Variants in SLC4A4 observed in about 807,000 individuals in gnomAD.
SLC4A4 encodes the protein solute carrier family 4 member 4, also known as electrogenic sodium bicarbonate cotransporter 1.
In SLC4A4, 27 loss-of-function variants were observed where a neutral mutation model predicts 111.5. That is an observed-to-expected ratio of 0.24 (90% CI 0.18 to 0.33). The LOEUF is 0.33. Among genes scored for constraint, SLC4A4 ranks in the 10% least tolerant of loss-of-function variants. The probability of loss-of-function intolerance (pLI) is 1.00; values close to 1 mark genes in which losing one functional copy is unlikely to be tolerated. For missense variants in SLC4A4, 909 were observed against 1,315.5 expected (o/e 0.69, Z 4.78); for synonymous variants, 443 against 463.4 (o/e 0.96, Z 0.57).
At chr4:71,208,978 A>G (rs1384268345) in intron 1 of SLC4A4, among the ~76,000 whole-genome samples, 1 of 152,146 alleles carries the variant, frequency 6.6e-6, no homozygotes, top group East Asian at 1.9e-4. Context: ...ATTTGGTTAT[A>G]GAGACAAATT....
chr4:71,288,666 TG>T (rs1724104685), intron 3 of SLC4A4, among the ~76,000 whole-genome samples: 1 of 152,124 alleles, frequency 6.6e-6, no homozygotes, highest in African/African-American at 2.4e-5. Flanking sequence ...CCCATAGTGC[TG>T]AGATTACAGG....
intron 2 of SLC4A4, 101 bp downstream of exon 2, chr4:71,236,750 C>A: frequency 3.0e-6 from 3 of 986,992 alleles, no homozygotes; most frequent in Non-Finnish European, 4.7e-6. Context: ...TAAAATGAAA[C>A]ACCAAACCTT....
At chr4:71,521,132 A>G (rs1732893829) in intron 16 of SLC4A4, among the ~76,000 whole-genome samples, 1 of 152,194 alleles carries the variant, frequency 6.6e-6, no homozygotes, top group South Asian at 2.1e-4. Flanking sequence ...ATTATTTATG[A>G]CAGGCATGAG....
intron 11 of SLC4A4, among the ~76,000 whole-genome samples, chr4:71,453,000 A>T (rs968025380): frequency 1.3e-5 from 2 of 152,114 alleles, no homozygotes; most frequent in Non-Finnish European, 2.9e-5. Context: ...TTTTTGATGC[A>T]TGTTGTTCAC....
intron 3 of SLC4A4, among the ~76,000 whole-genome samples, chr4:71,305,383 C>T (rs1725598423): frequency 6.6e-6 from 1 of 152,214 alleles, no homozygotes; most frequent in Non-Finnish European, 1.5e-5. Flanking sequence ...TCAATTGCAA[C>T]TGTCCCTTTA....
chr4:71,123,414 T>C (rs1415479976), intron 2 of SLC4A4, among the ~76,000 whole-genome samples: 11 of 152,174 alleles, frequency 7.2e-5, no homozygotes, highest in Non-Finnish European at 1.5e-4. Context: ...GCAACATTGA[T>C]TGTTGGGAGA....
At chr4:71,087,743 A>T (rs1742229602) in intron 1 of SLC4A4, among the ~76,000 whole-genome samples, 1 of 151,982 alleles carries the variant, frequency 6.6e-6, no homozygotes, top group African/African-American at 2.4e-5. Flanking sequence ...CCTGAGTTCT[A>T]GTTCGATTGC....
At position 71,563,773 on chromosome 4, in the gene SLC4A4, C is replaced by T. The variant is rs1255075619; in HGVS notation, c.3100-20C>T. Reference sequence around the variant, plus strand: ...GTATAATAAAAACATTCTAAAACCTCTTGTACATTTTTTTCACAGTCTGAC... The same window carrying T: ...GTATAATAAAAACATTCTAAAACCTTTTGTACATTTTTTTCACAGTCTGAC... On this transcript the variant is annotated intron_variant, in intron 23 of 25. Transcript: ENST00000264485. 3 of 1,473,926 alleles carry T rather than the reference C, an allele frequency of 2.0e-6. No homozygotes were observed. In the South Asian group the frequency reaches 3.4e-5, roughly 17 times the overall value. 91.3% of individuals were successfully genotyped at this position (1,473,926 alleles called of 1,614,324 possible). A position where few individuals can be genotyped will look rare whatever the true frequency, so the allele number is the denominator to read the frequency against.
chr4:71,156,004 T>C (rs1266789164), intron 2 of SLC4A4, among the ~76,000 whole-genome samples: 1 of 152,174 alleles, frequency 6.6e-6, no homozygotes, highest in Non-Finnish European at 1.5e-5. Flanking sequence ...AGAATACACA[T>C]GATTGCTGCT....
intron 3 of SLC4A4, among the ~76,000 whole-genome samples, chr4:71,289,608 T>C (rs1358095225): frequency 6.6e-6 from 1 of 152,028 alleles, no homozygotes; most frequent in Non-Finnish European, 1.5e-5. Context: ...AATGGAAGTA[T>C]TGAGTGATTA....
intron 7 of SLC4A4, among the ~76,000 whole-genome samples, chr4:71,410,326 T>A (rs1027092805): frequency 5.3e-5 from 8 of 152,146 alleles, no homozygotes; most frequent in Non-Finnish European, 8.8e-5. Context: ...GAATGTACTC[T>A]GCAAAGCCAC....
At chr4:71,500,216 A>ATCTTT (rs1730789169) in intron 16 of SLC4A4, among the ~76,000 whole-genome samples, 2 of 151,948 alleles carry the variant, frequency 1.3e-5, no homozygotes, top group Non-Finnish European at 2.9e-5. Flanking sequence ...TTGGCCATTT[A>ATCTTT]TGTTTCTTCT....
At chr4:71,366,110 T>A (rs904967782) in intron 6 of SLC4A4, among the ~76,000 whole-genome samples, 6 of 152,164 alleles carry the variant, frequency 3.9e-5, no homozygotes, top group Non-Finnish European at 7.4e-5. Flanking sequence ...CTAGGCAACA[T>A]GTTTCATGTG....
chr4:71,486,566 C>T (rs1313653302), intron 14 of SLC4A4, among the ~76,000 whole-genome samples: 1 of 151,458 alleles, frequency 6.6e-6, no homozygotes, highest in Non-Finnish European at 1.5e-5. Flanking sequence ...GGGAAATTTT[C>T]CTGTACATTC....
intron 2 of SLC4A4, among the ~76,000 whole-genome samples, chr4:71,113,518 A>G (rs898386374): frequency 6.6e-6 from 1 of 152,202 alleles, no homozygotes; most frequent in African/African-American, 2.4e-5. Flanking sequence ...AGAGTGCTGG[A>G]CAAATTCCAA....
chr4:71,506,322 G>A (rs1337011826), intron 16 of SLC4A4, among the ~76,000 whole-genome samples: 1 of 152,100 alleles, frequency 6.6e-6, no homozygotes, highest in Non-Finnish European at 1.5e-5. Context: ...TCCTATTCAT[G>A]AGCATGGAAT....
chr4:71,169,959 C>A (rs1338760890), intron 2 of SLC4A4, among the ~76,000 whole-genome samples: 1 of 152,214 alleles, frequency 6.6e-6, no homozygotes, highest in Admixed American at 6.5e-5. Context: ...ACTACTCTCT[C>A]TGCTCATTCA....
At chr4:71,198,786 C>T (rs1746122468) in intron 1 of SLC4A4, among the ~76,000 whole-genome samples, 1 of 152,084 alleles carries the variant, frequency 6.6e-6, no homozygotes, top group South Asian at 2.1e-4. Context: ...CATAGTGAGA[C>T]CCTGTCTCTA....
At chr4:71,070,667 A>G (rs1184146612) in intron 1 of SLC4A4, among the ~76,000 whole-genome samples, 2 of 152,226 alleles carry the variant, frequency 1.3e-5, no homozygotes, top group African/African-American at 4.8e-5. Context: ...TGTTCATTCT[A>G]TTAAAAAGCA....
Sources: gnomAD v4.1 joint callset for allele counts (sites outside exome capture counted in the v4.1 genomes callset) on GRCh38, gnomAD v4.1.1 for gene constraint, MANE v1.5 for transcripts, NCBI Gene and HGNC (gene_info 2026-07-23, HGNC 2026-07-21) for gene names.